The following GPRASP2 variants were observed in gnomAD, a reference collection of about 807,000 sequenced individuals.
GPRASP2 encodes G protein-coupled receptor-associated sorting protein 2.
A neutral mutation model predicts 36.0 loss-of-function variants in GPRASP2; 10 were observed. The observed-to-expected ratio is 0.28, with a 90% CI of 0.17 to 0.47. The LOEUF (loss-of-function observed/expected upper bound fraction) is 0.47, where lower values mean the gene tolerates loss of function less well. Ranked by LOEUF, GPRASP2 falls within the 20% of genes least tolerant of loss-of-function variation. The probability of loss-of-function intolerance (pLI) is 0.99; values close to 1 mark genes in which losing one functional copy is unlikely to be tolerated. For synonymous variants in GPRASP2, 219 were observed against 230.5 expected (o/e 0.95, Z 0.45); for missense variants, 538 against 626.7 (o/e 0.86, Z 1.51).
In GPRASP2 at chrX:102,714,234, A is replaced by G. The variant is rs2073118; in HGVS notation, c.-366A>G. ...GGGGCTTGACACCACTTGAACAAGA[A>G]AAGGAGGGGGAAACTGCACCACATC... On this transcript the variant is annotated 5_prime_UTR_variant, in exon 4 of 5. Transcript: ENST00000483720. 12,697 of 111,396 alleles carry G rather than the reference A, an allele frequency of 0.11. 658 individuals are homozygous for G. Among genetic ancestry groups the G allele is most frequent in the East Asian group, 0.21 (741 of 3,483 alleles). 9.2% of individuals were successfully genotyped at this position (111,396 alleles called of 1,213,427 possible).
In GPRASP2 at chrX:102,716,858, T is replaced by A. The variant is rs2081972194; in HGVS notation, c.1989T>A (p.Ile663=). Reference sequence around the variant, plus strand: ...GGACAAGTTTTTTGGAAAATATGATTCACATGGCTCCACCTTATCCAAATC... The same window carrying A: ...GGACAAGTTTTTTGGAAAATATGATACACATGGCTCCACCTTATCCAAATC... ...RVRTSFLENM[I]HMAPPYPNLN... is the part of the protein sequence containing the mutation. The change falls in exon 5 of 5, where the codon ATT becomes ATA. Residue 663 remains isoleucine (I), a synonymous_variant. Transcript: ENST00000483720. The A allele has an allele frequency of 2.5e-6, 3 of 1,211,772 alleles. No individual in the cohort carries two copies. Among genetic ancestry groups the A allele is most frequent in the Non-Finnish European group, 3.3e-6 (3 of 895,546 alleles).
At position 102,717,603 on chromosome X, in the gene GPRASP2, G is replaced by A. The variant is rs185739712; in HGVS notation, c.*217G>A. ...TGATATTTGTCTTGCTGTCCAGATTGCGGTATTTTTCAGTATTAAGTTTTC... is the reference window on the plus strand; with the variant it reads ...TGATATTTGTCTTGCTGTCCAGATTACGGTATTTTTCAGTATTAAGTTTTC... On this transcript the variant is annotated 3_prime_UTR_variant, in exon 5 of 5. Coordinates refer to ENST00000483720, the MANE Select transcript of GPRASP2 (RefSeq NM_001004051.4). 2.1e-3 allele frequency: 1,050 copies of A among 504,504 alleles called. 5 individuals are homozygous for A. Among genetic ancestry groups the A allele is most frequent in the Non-Finnish European group, 2.3e-3 (812 of 358,597 alleles). 41.6% of individuals were successfully genotyped at this position (504,504 alleles called of 1,213,427 possible). A position where few individuals can be genotyped will look rare whatever the true frequency, so the allele number is the denominator to read the frequency against.
chrX:102,717,294 A>G lies in GPRASP2; in HGVS notation c.2425A>G (p.Ile809Val). 9.1e-7 allele frequency: 1 copy of G among 1,095,328 alleles called. No homozygotes were observed. The highest frequency in any genetic ancestry group is 1.2e-6 in the Non-Finnish European group (1 of 837,955). 90.3% of individuals were successfully genotyped at this position (1,095,328 alleles called of 1,213,427 possible). A position where few individuals can be genotyped will look rare whatever the true frequency, so the allele number is the denominator to read the frequency against. Residue 809 changes from isoleucine to valine, a missense_variant, in exon 5 of 5, where the codon ATT (isoleucine) becomes GTT (valine). Physicochemically the swap from Ile to Val is conservative, Grantham distance 29. Transcript: ENST00000483720. Reference protein sequence around the residue: ...IDDDFSLEPLISAFREFEELA... With the variant: ...IDDDFSLEPLVSAFREFEELA... ...TGATGATTTCAGTCTTGAGCCGCTT[A>G]TTTCTGCATTTCGTGAATTTGAGGA...
At position 102,716,455 on chromosome X, in the gene GPRASP2, A is replaced by AG; in HGVS notation, c.1587dup (p.Asn530GlufsTer5). The stretch of plus-strand genomic sequence containing the variant: ...TCTGAAATGCTTGAGGCAAAGCCCA[A>AG]GAACCTGGAACTTAGCCCAGAAGGA... On this transcript the variant is annotated frameshift_variant, in exon 5 of 5. Coordinates refer to ENST00000483720, the MANE Select transcript of GPRASP2 (RefSeq NM_001004051.4). LOFTEE classifies it high-confidence loss of function. 8.2e-7 allele frequency: 1 copy of AG among 1,212,287 alleles called. No individual in the cohort carries two copies. Among genetic ancestry groups the AG allele is most frequent in the Non-Finnish European group, 1.1e-6 (1 of 895,650 alleles).
In GPRASP2 at chrX:102,716,158, G is replaced by C; in HGVS notation, c.1289G>C (p.Ser430Thr). Residue 430 changes from serine (S) to threonine (T), a missense_variant, in exon 5 of 5, where the codon AGT (serine) becomes ACT (threonine). Coordinates refer to ENST00000483720, the MANE Select transcript of GPRASP2 (RefSeq NM_001004051.4). ...GCGTACTGGGCTGAGGAAAAGTCCA[G>C]TTTGGGGGCTGTGGCCAGAGAAGAG... ...GSAYWAEEKS[S>T]LGAVAREEAK... 8.3e-7 allele frequency: 1 copy of C among 1,207,640 alleles called. No individual in the cohort carries two copies. Among genetic ancestry groups the C allele is most frequent in the Non-Finnish European group, 1.1e-6 (1 of 893,871 alleles).
rs1258162702 is a variant in GPRASP2, at chrX:102,716,803, C to A, written c.1934C>A (p.Thr645Asn). The change falls in exon 5 of 5, where the codon ACC (threonine) becomes AAC (asparagine). Residue 645 changes from threonine to asparagine, a missense_variant. Physicochemically the swap from Thr to Asn is moderately conservative, Grantham distance 65 (BLOSUM62 0). Coordinates refer to ENST00000483720, the MANE Select transcript of GPRASP2 (RefSeq NM_001004051.4). ...RDSGVVSLIE[T>N]LLNYPSSRVR... ...TCAGGTGTTGTCTCACTTATTGAAA[C>A]CTTGCTTAATTATCCATCCTCTAGA... 3 of 1,212,067 alleles carry A rather than the reference C, an allele frequency of 2.5e-6. No individual in the cohort carries two copies. In the Admixed American group the frequency reaches 6.5e-5, roughly 26 times the overall value.
Position 102,716,991 on chromosome X carries a change from A to G in GPRASP2, c.2122A>G (p.Met708Val), listed in dbSNP as rs778970521. ...AATAAGGATGCTTAGACACCTCACT[A>G]TGACTATTGACTATCACACACTGAT... Reference protein sequence around the residue: ...TGIRMLRHLTMTIDYHTLIAN... With the variant: ...TGIRMLRHLTVTIDYHTLIAN... Residue 708 changes from methionine (M) to valine (V), a missense_variant, in exon 5 of 5, where the codon ATG (methionine) becomes GTG (valine). Coordinates refer to ENST00000483720, the MANE Select transcript of GPRASP2 (RefSeq NM_001004051.4). 3 of 1,200,501 alleles carry G rather than the reference A, an allele frequency of 2.5e-6. No homozygotes were observed. The highest frequency in any genetic ancestry group is 3.4e-6 in the Non-Finnish European group (3 of 888,329).
In GPRASP2 at chrX:102,717,263, A is replaced by T. The variant is rs2081978555; in HGVS notation, c.2394A>T (p.Leu798Phe). The change falls in exon 5 of 5, where the codon TTA becomes TTT. Residue 798 changes from leucine to phenylalanine, a missense_variant. Physicochemically the swap from Leu to Phe is conservative, Grantham distance 22 (BLOSUM62 0). This residue lies in a region of GPRASP2 where 262 missense variants were observed against 351.7 expected (regional missense o/e 0.74). Coordinates refer to ENST00000483720, the MANE Select transcript of GPRASP2 (RefSeq NM_001004051.4). ...TTATAAAAAGTGGAAAGATGTCCTTAATTGATGATGATTTCAGTCTTGAGC... is the reference window on the plus strand; with the variant it reads ...TTATAAAAAGTGGAAAGATGTCCTTTATTGATGATGATTTCAGTCTTGAGC... ...SNIIKSGKMS[L>F]IDDDFSLEPL... 1 of 1,101,028 alleles carries T rather than the reference A, an allele frequency of 9.1e-7. No homozygotes were observed. Among genetic ancestry groups the T allele is most frequent in the African/African-American group, 1.9e-5 (1 of 53,874 alleles). 90.7% of individuals were successfully genotyped at this position (1,101,028 alleles called of 1,213,427 possible).
In GPRASP2 at chrX:102,714,899, C is replaced by T; in HGVS notation, c.30C>T (p.Ala10=). The T allele has an allele frequency of 2.5e-6, 3 of 1,211,452 alleles. No homozygotes were observed. The highest frequency in any genetic ancestry group is 1.7e-5 in the African/African-American group (1 of 57,943). ...CTGGGGCAGAGATTGAGCCTAGTGC[C>T]CAGGCCAAGCCTGAAAAGAAGGCTG... MTGAEIEPS[A]QAKPEKKAGE... is the part of the protein sequence containing the mutation. The change falls in exon 5 of 5, where the codon GCC becomes GCT. Residue 10 remains alanine, a synonymous_variant. Transcript: ENST00000483720.
In GPRASP2 at chrX:102,715,633, G is replaced by A. The variant is rs1183610728; in HGVS notation, c.764G>A (p.Arg255Lys). 1 of 1,209,766 alleles carries A rather than the reference G, an allele frequency of 8.3e-7. No homozygotes were observed. The highest frequency in any genetic ancestry group is 1.8e-5 in the African/African-American group (1 of 57,073). ...RSWPREESNT[R>K]SRHRAKHQTN... ...TGGCCCAGGGAAGAGTCCAATACCA[G>A]GTCCAGGCACAGGGCTAAACATCAG... The change falls in exon 5 of 5, where the codon AGG (arginine) becomes AAG (lysine). Residue 255 changes from arginine (R) to lysine (K), a missense_variant. This residue lies in a region of GPRASP2 where 276 missense variants were observed against 275.0 expected (regional missense o/e 1.00). Transcript: ENST00000483720.
In GPRASP2 at chrX:102,717,378, C is replaced by T. The variant is rs757890182; in HGVS notation, c.2509C>T (p.Gln837Ter). The change falls in exon 5 of 5, where the codon CAA (glutamine) becomes TAA (stop). Residue 837 changes from glutamine to a stop codon, truncating the protein, a stop_gained. Coordinates refer to ENST00000483720, the MANE Select transcript of GPRASP2 (RefSeq NM_001004051.4). LOFTEE classifies it high-confidence loss of function. Reference protein sequence around the residue: ...DNQNDPEVGQQS With the variant: ...DNQNDPEVGQ The stretch of plus-strand genomic sequence containing the variant: ...CCAAAATGATCCTGAGGTGGGACAA[C>T]AAAGTTAATATGATTAACCACCTGC... 6 of 1,070,208 alleles carry T rather than the reference C, an allele frequency of 5.6e-6. No individual in the cohort carries two copies. The highest frequency in any genetic ancestry group is 7.3e-6 in the Non-Finnish European group (6 of 823,963). The allele number at this position is 1,070,208 out of a possible 1,213,427, so 88.2% of individuals were successfully genotyped here.
Position 102,717,552 on chromosome X carries a change from A to G in GPRASP2, c.*166A>G. On this transcript the variant is annotated 3_prime_UTR_variant, in exon 5 of 5. Coordinates refer to ENST00000483720, the MANE Select transcript of GPRASP2 (RefSeq NM_001004051.4). The stretch of plus-strand genomic sequence containing the variant: ...TGGATCATTTTGTGGATGCCAAATG[A>G]ATATCAAAACTGAAAACACATTTGT... 1.3e-6 allele frequency: 1 copy of G among 748,153 alleles called. No individual in the cohort carries two copies. The highest frequency in any genetic ancestry group is 2.2e-5 in the African/African-American group (1 of 45,585). 61.7% of individuals were successfully genotyped at this position (748,153 alleles called of 1,213,427 possible).
At position 102,716,167 on chromosome X, in the gene GPRASP2, C is replaced by T. The variant is rs199574855; in HGVS notation, c.1298C>T (p.Ala433Val). ...GCTGAGGAAAAGTCCAGTTTGGGGG[C>T]TGTGGCCAGAGAAGAGGCCAAGCCG... ...YWAEEKSSLG[A>V]VAREEAKPES... Residue 433 changes from alanine (A) to valine (V), a missense_variant, in exon 5 of 5, where the codon GCT becomes GTT. Transcript: ENST00000483720. The T allele has an allele frequency of 1.6e-4, 190 of 1,205,631 alleles. No homozygotes were observed. In the Middle Eastern group the frequency reaches 4.8e-3, roughly 31 times the overall value.
Position 102,715,843 on chromosome X carries a change from G to T in GPRASP2, c.974G>T (p.Cys325Phe). Residue 325 changes from cysteine (C) to phenylalanine (F), a missense_variant, in exon 5 of 5, where the codon TGT becomes TTT. By Grantham distance (205) the Cys-to-Phe change is radical (BLOSUM62 -2). This residue lies in a region of GPRASP2 where 276 missense variants were observed against 275.0 expected (regional missense o/e 1.00). Coordinates refer to ENST00000483720, the MANE Select transcript of GPRASP2 (RefSeq NM_001004051.4). ...RSKLRTNREDCFESESEDEFY... is the reference protein window; with the variant it reads ...RSKLRTNREDFFESESEDEFY... ...AAGCTCAGGACAAATAGAGAAGATT[G>T]TTTTGAATCTGAGTCTGAAGATGAG... The T allele has an allele frequency of 8.3e-7, 1 of 1,211,884 alleles. No homozygotes were observed. Among genetic ancestry groups the T allele is most frequent in the Non-Finnish European group, 1.1e-6 (1 of 895,591 alleles).
In GPRASP2 at chrX:102,716,405, C is replaced by A. The variant is rs758099532; in HGVS notation, c.1536C>A (p.Ser512Arg). 3 of 1,210,618 alleles carry A rather than the reference C, an allele frequency of 2.5e-6. No homozygotes were observed. The African/African-American group carries it at 5.2e-5, about 21-fold the overall frequency. The change falls in exon 5 of 5, where the codon AGC (serine) becomes AGA (arginine). Residue 512 changes from serine to arginine, a missense_variant. By Grantham distance (110) the Ser-to-Arg change is moderately radical. Around this residue, in one of 2 missense-constraint regions of GPRASP2, gnomAD observed 262 missense variants for 351.7 expected, o/e 0.74. Coordinates refer to ENST00000483720, the MANE Select transcript of GPRASP2 (RefSeq NM_001004051.4). ...LFHGVGFRST[S>R]PFGIPEEASE... Reference sequence around the variant, plus strand: ...ATGGGGTTGGCTTCCGATCCACAAGCCCCTTTGGAATTCCCGAAGAGGCTT... The same window carrying A: ...ATGGGGTTGGCTTCCGATCCACAAGACCCTTTGGAATTCCCGAAGAGGCTT...
At position 102,717,192 on chromosome X, in the gene GPRASP2, G is replaced by A; in HGVS notation, c.2323G>A (p.Asp775Asn). Residue 775 changes from aspartate to asparagine, a missense_variant, in exon 5 of 5, where the codon GAT (aspartate) becomes AAT (asparagine). By Grantham distance (23) the Asp-to-Asn change is conservative. Transcript: ENST00000483720. ...TCTCTTTAACATAGAAGAGACAAAT[G>A]ATAATATTCAAATTGTTATTAAAAT... ...VGLFNIEETNDNIQIVIKMFQ... is the reference protein window; with the variant it reads ...VGLFNIEETNNNIQIVIKMFQ... 1 of 1,136,419 alleles carries A rather than the reference G, an allele frequency of 8.8e-7. No individual in the cohort carries two copies. Among genetic ancestry groups the A allele is most frequent in the Non-Finnish European group, 1.2e-6 (1 of 858,152 alleles). The allele number at this position is 1,136,419 out of a possible 1,213,427, so 93.7% of individuals were successfully genotyped here. A position where few individuals can be genotyped will look rare whatever the true frequency, so the allele number is the denominator to read the frequency against.
rs1045914177 is a variant in GPRASP2 at position 102,717,420 on chromosome X, G to A, written c.*34G>A. 3 of 1,037,523 alleles carry A rather than the reference G, an allele frequency of 2.9e-6. No homozygotes were observed. Among genetic ancestry groups the A allele is most frequent in the East Asian group, 3.4e-5 (1 of 29,731 alleles). The allele number at this position is 1,037,523 out of a possible 1,213,427, so 85.5% of individuals were successfully genotyped here. ...ACCACCTGCCGCTGATCAGCCTTATGTTCCCAAAGAGCCCTGAGTAGTGCT... is the reference window on the plus strand; with the variant it reads ...ACCACCTGCCGCTGATCAGCCTTATATTCCCAAAGAGCCCTGAGTAGTGCT... On this transcript the variant is annotated 3_prime_UTR_variant, in exon 5 of 5. Coordinates refer to ENST00000483720, the MANE Select transcript of GPRASP2 (RefSeq NM_001004051.4).
At position 102,717,617 on chromosome X, in the gene GPRASP2, T is replaced by A. The variant is rs1325746009; in HGVS notation, c.*231T>A. The A allele has an allele frequency of 9.9e-6, 4 of 404,925 alleles. No individual in the cohort carries two copies. Among genetic ancestry groups the A allele is most frequent in the African/African-American group, 7.8e-5 (3 of 38,327 alleles). 33.4% of individuals were successfully genotyped at this position (404,925 alleles called of 1,213,427 possible). A position where few individuals can be genotyped will look rare whatever the true frequency, so the allele number is the denominator to read the frequency against. ...CTGTCCAGATTGCGGTATTTTTCAG[T>A]ATTAAGTTTTCAATGAACTGTGTCA... On this transcript the variant is annotated 3_prime_UTR_variant, in exon 5 of 5. Coordinates refer to ENST00000483720, the MANE Select transcript of GPRASP2 (RefSeq NM_001004051.4).
chrX:102,714,013 G>T (rs906432350), intron 3 of GPRASP2, among the ~76,000 whole-genome samples, 164 bp downstream of exon 3: 1 of 111,485 alleles, frequency 9.0e-6, no homozygotes, highest in Non-Finnish European at 1.9e-5. Context: ...CACGAGATAG[G>T]TGTAGGTTGG....
Sources: gnomAD v4.1 joint callset for allele counts (sites outside exome capture counted in the v4.1 genomes callset) on GRCh38, gnomAD v4.1.1 for gene constraint, gnomAD v4.1.1 regional missense constraint, MANE v1.5 for transcripts, NCBI Gene and HGNC (gene_info 2026-07-23, HGNC 2026-07-21) for gene names.